The following MC4R variants were observed in gnomAD, a reference collection of about 807,000 sequenced individuals.
MC4R encodes melanocortin receptor 4.
A neutral mutation model predicts 16.1 loss-of-function variants in MC4R; 15 were observed. The ratio of observed to expected loss-of-function variants is 0.93; its 90% CI spans 0.62 to 1.44. The LOEUF (loss-of-function observed/expected upper bound fraction) is 1.44. Among genes scored for constraint, MC4R ranks in the 40% most tolerant of loss-of-function variants. The pLI is 0.00. For synonymous variants in MC4R, 162 were observed against 151.7 expected, an observed-to-expected ratio of 1.07 and a Z score of -0.50; for missense variants, 416 against 411.4, an observed-to-expected ratio of 1.01 and a Z score of -0.10.
chr18:60,372,223 G>T lies in MC4R; in HGVS notation c.127C>A (p.Gln43Lys). The T allele has an allele frequency of 6.2e-7, 1 of 1,614,210 alleles. No homozygotes were observed. Among genetic ancestry groups the T allele is most frequent in the Non-Finnish European group, 8.5e-7 (1 of 1,180,040 alleles). ...AACACCTCAGGAGAGACAAAAAGTTGCTCGTAGCACCCTCCATCAGAGTAG... is the reference window on the plus strand; with the variant it reads ...AACACCTCAGGAGAGACAAAAAGTTTCTCGTAGCACCCTCCATCAGAGTAG... ...KGYSDGGCYE[Q>K]LFVSPEVFVT... The change falls in exon 1 of 1, where the codon CAA becomes AAA. Residue 43 changes from glutamine to lysine, a missense_variant. Transcript: ENST00000299766.
chr18:60,372,194 C>T lies in MC4R; in HGVS notation c.156G>A (p.Val52=). The part of the protein sequence containing the change: ...EQLFVSPEVF[V]TLGVISLLEN... ...CCAACAAGCTGATGACACCCAGAGT[C>T]ACAAACACCTCAGGAGAGACAAAAA... Residue 52 remains valine, a synonymous_variant, in exon 1 of 1, where the codon GTG becomes GTA. Coordinates refer to ENST00000299766, the MANE Select transcript of MC4R (RefSeq NM_005912.3). 1 of 1,614,240 alleles carries T rather than the reference C, an allele frequency of 6.2e-7. No individual in the cohort carries two copies.
rs1036269414 is a variant in MC4R at position 60,372,422 on chromosome 18, C to T, written c.-73G>A. On this transcript the variant is annotated 5_prime_UTR_variant, in exon 1 of 1. Coordinates refer to ENST00000299766, the MANE Select transcript of MC4R (RefSeq NM_005912.3). ...GGTCAGGGAGTCGTCTCAGTTATTTCCTCCAAGTCTTTATCTGTCTGAAAG... is the reference window on the plus strand; with the variant it reads ...GGTCAGGGAGTCGTCTCAGTTATTTTCTCCAAGTCTTTATCTGTCTGAAAG... 2 of 1,526,428 alleles carry T rather than the reference C, an allele frequency of 1.3e-6. No homozygotes were observed. The highest frequency in any genetic ancestry group is 1.8e-6 in the Non-Finnish European group (2 of 1,112,228). The allele number at this position is 1,526,428 out of a possible 1,614,324, so 94.6% of individuals were successfully genotyped here.
chr18:60,371,437 G>A lies in MC4R; in HGVS notation c.913C>T (p.Arg305Trp), dbSNP rs549442687. ...AAGGTTTTCCTCAGTTCTTGACTCC[G>A]GAGTGCATAAATCAGAGGATCGATG... is the stretch of plus-strand genomic sequence containing the variant. ...SIIDPLIYAL[R>W]SQELRKTFKE... Residue 305 changes from arginine (R) to tryptophan (W), a missense_variant, in exon 1 of 1, where the codon CGG becomes TGG. Transcript: ENST00000299766. The A allele has an allele frequency of 2.2e-5, 36 of 1,614,068 alleles. No homozygotes were observed. Among genetic ancestry groups the A allele is most frequent in the Admixed American group, 1.0e-4 (6 of 60,008 alleles).
Position 60,371,708 on chromosome 18 carries a change from G to T in MC4R, c.642C>A (p.His214Gln). 1 of 1,614,198 alleles carries T rather than the reference G, an allele frequency of 6.2e-7. No individual in the cohort carries two copies. Among genetic ancestry groups the T allele is most frequent in the South Asian group, 1.1e-5 (1 of 91,082 alleles). The change falls in exon 1 of 1, where the codon CAC becomes CAA. Residue 214 changes from histidine (H) to glutamine (Q), a missense_variant. Transcript: ENST00000299766. ...TGTGAAGCCTGGCCATCAGGAACAT[G>T]TGGACATAGAGAGAAGCCATGAGAG... Reference protein sequence around the residue: ...MLALMASLYVHMFLMARLHIK... With the variant: ...MLALMASLYVQMFLMARLHIK...
Position 60,372,702 on chromosome 18 carries a change from A to T in MC4R, c.-353T>A, listed in dbSNP as rs1479558664. On this transcript the variant is annotated 5_prime_UTR_variant, in exon 1 of 1. Transcript: ENST00000299766. Reference sequence around the variant, plus strand: ...AAGCTGCCATGCCATTGGGAGACGAATCTGTGCGCACATGCTCACATCGGC... The same window carrying T: ...AAGCTGCCATGCCATTGGGAGACGATTCTGTGCGCACATGCTCACATCGGC... 2.8e-6 allele frequency: 1 copy of T among 351,392 alleles called. No individual in the cohort carries two copies. Among genetic ancestry groups the T allele is most frequent in the Admixed American group, 4.1e-5 (1 of 24,160 alleles). The allele number at this position is 351,392 out of a possible 1,614,324, so 21.8% of individuals were successfully genotyped here. A position where few individuals can be genotyped will look rare whatever the true frequency, so the allele number is the denominator to read the frequency against.
chr18:60,371,913 T>G lies in MC4R; in HGVS notation c.437A>C (p.Asp146Ala). The G allele has an allele frequency of 1.9e-6, 3 of 1,614,118 alleles. No homozygotes were observed. The highest frequency in any genetic ancestry group is 2.5e-6 in the Non-Finnish European group (3 of 1,180,000). The stretch of plus-strand genomic sequence containing the variant: ...AGCATAGAAGATAGTAAAGTACCTG[T>G]CCACTGCAATTGAAAGCAGGCTGCA... ...SICSLLSIAVDRYFTIFYALQ... is the reference protein window; with the variant it reads ...SICSLLSIAVARYFTIFYALQ... Residue 146 changes from aspartate to alanine, a missense_variant, in exon 1 of 1, where the codon GAC (aspartate) becomes GCC (alanine). By Grantham distance (126) the Asp-to-Ala change is moderately radical. Transcript: ENST00000299766.
Position 60,371,498 on chromosome 18 carries a change from A to G in MC4R, c.852T>C (p.Phe284=). ...ACATGATCAGTATGAGATACAAGTT[A>G]AAGTGAGACATGAAGCACACACAAT... ...NPYCVCFMSH[F]NLYLILIMCN... The change falls in exon 1 of 1, where the codon TTT becomes TTC. Residue 284 remains phenylalanine (F), a synonymous_variant. Transcript: ENST00000299766. 1 of 1,614,250 alleles carries G rather than the reference A, an allele frequency of 6.2e-7. No homozygotes were observed. The highest frequency in any genetic ancestry group is 8.5e-7 in the Non-Finnish European group (1 of 1,180,036).
Position 60,371,134 on chromosome 18 carries a change from C to A in MC4R, c.*217G>T. Reference sequence around the variant, plus strand: ...GTGCCTACAACCTATAACATAGATTCATATTTTATGGCCAAAAAAGTAGCA... The same window carrying A: ...GTGCCTACAACCTATAACATAGATTAATATTTTATGGCCAAAAAAGTAGCA... On this transcript the variant is annotated 3_prime_UTR_variant, in exon 1 of 1. Transcript: ENST00000299766. 3.6e-6 allele frequency: 2 copies of A among 559,848 alleles called. No individual in the cohort carries two copies. Among genetic ancestry groups the A allele is most frequent in the Non-Finnish European group, 3.2e-6 (1 of 315,238 alleles). The allele number at this position is 559,848 out of a possible 1,614,324, so 34.7% of individuals were successfully genotyped here.
In MC4R at chr18:60,372,056, T is replaced by A. The variant is rs1915357386; in HGVS notation, c.294A>T (p.Gly98=). The A allele has an allele frequency of 2.5e-6, 4 of 1,614,046 alleles. No individual in the cohort carries two copies. The highest frequency in any genetic ancestry group is 3.4e-6 in the Non-Finnish European group (4 of 1,180,044). The change falls in exon 1 of 1, where the codon GGA becomes GGT. Residue 98 remains glycine, a synonymous_variant. Transcript: ENST00000299766. ...ATAGGGTGATGACAATGGTTTCTGA[T>A]CCATTTGAAACGCTCACCAGCATAT... ...VADMLVSVSN[G]SETIVITLLN...
chr18:60,372,230 G>C lies in MC4R; in HGVS notation c.120C>G (p.Cys40Trp). ...SLGKGYSDGG[C>W]YEQLFVSPEV... is the part of the protein sequence containing the mutation. ...CAGGAGAGACAAAAAGTTGCTCGTAGCACCCTCCATCAGAGTAGCCTTTTC... is the reference window on the plus strand; with the variant it reads ...CAGGAGAGACAAAAAGTTGCTCGTACCACCCTCCATCAGAGTAGCCTTTTC... The change falls in exon 1 of 1, where the codon TGC becomes TGG. Residue 40 changes from cysteine (C) to tryptophan (W), a missense_variant. Transcript: ENST00000299766. The C allele has an allele frequency of 6.2e-7, 1 of 1,614,200 alleles. No individual in the cohort carries two copies. Among genetic ancestry groups the C allele is most frequent in the Non-Finnish European group, 8.5e-7 (1 of 1,180,036 alleles).
chr18:60,372,761 G>C lies in MC4R; in HGVS notation c.-412C>G. On this transcript the variant is annotated 5_prime_UTR_variant, in exon 1 of 1. Coordinates refer to ENST00000299766, the MANE Select transcript of MC4R (RefSeq NM_005912.3). ...GGAAGCTTCTGTTTCCAGCCTGAGC[G>C]TTGCTTTGAGTGTTAGGGGCTGTAG... 1 of 269,244 alleles carries C rather than the reference G, an allele frequency of 3.7e-6. No homozygotes were observed. Among genetic ancestry groups the C allele is most frequent in the Non-Finnish European group, 7.7e-6 (1 of 129,404 alleles). 16.7% of individuals were successfully genotyped at this position (269,244 alleles called of 1,614,324 possible).
rs774600898 is a variant in MC4R, at chr18:60,371,980, C to T, written c.370G>A (p.Val124Ile). Residue 124 changes from valine to isoleucine, a missense_variant, in exon 1 of 1, where the codon GTC becomes ATC. Coordinates refer to ENST00000299766, the MANE Select transcript of MC4R (RefSeq NM_005912.3). Reference sequence around the variant, plus strand: ...GAGCTACAGATCACCGAGTCAATGACATTATCAATATTCACTGTGAAACTC... The same window carrying T: ...GAGCTACAGATCACCGAGTCAATGATATTATCAATATTCACTGTGAAACTC... Reference protein sequence around the residue: ...AQSFTVNIDNVIDSVICSSLL... With the variant: ...AQSFTVNIDNIIDSVICSSLL... 1.9e-6 allele frequency: 3 copies of T among 1,614,126 alleles called. No individual in the cohort carries two copies. The highest frequency in any genetic ancestry group is 1.7e-5 in the Admixed American group (1 of 60,024).
In MC4R at chr18:60,371,561, G is replaced by C. The variant is rs1369321415; in HGVS notation, c.789C>G (p.Leu263=). ...VFVVCWAPFF[L]HLIFYISCPQ... ...GACAAGAGATGTAGAATATTAAGTG[G>C]AGGAAGAATGGGGCCCAGCAGACAA... Residue 263 remains leucine, a synonymous_variant, in exon 1 of 1, where the codon CTC becomes CTG. Coordinates refer to ENST00000299766, the MANE Select transcript of MC4R (RefSeq NM_005912.3). 1.9e-6 allele frequency: 3 copies of C among 1,614,116 alleles called. No individual in the cohort carries two copies. Among genetic ancestry groups the C allele is most frequent in the Non-Finnish European group, 2.5e-6 (3 of 1,180,034 alleles).
At position 60,371,315 on chromosome 18, in the gene MC4R, T is replaced by C. The variant is rs778634277; in HGVS notation, c.*36A>G. On this transcript the variant is annotated 3_prime_UTR_variant, in exon 1 of 1. Coordinates refer to ENST00000299766, the MANE Select transcript of MC4R (RefSeq NM_005912.3). ...GGTAGGGTAAGAGTGAAAAAGTCTC[T>C]TATGCATGTTCCTATATTGCGTGCT... 1.9e-6 allele frequency: 3 copies of C among 1,610,948 alleles called. No homozygotes were observed. The highest frequency in any genetic ancestry group is 2.2e-5 in the East Asian group (1 of 44,872).
chr18:60,372,062 T>C lies in MC4R; in HGVS notation c.288A>G (p.Ser96=), dbSNP rs781163462. The change falls in exon 1 of 1, where the codon TCA becomes TCG. Residue 96 remains serine, a synonymous_variant. Coordinates refer to ENST00000299766, the MANE Select transcript of MC4R (RefSeq NM_005912.3). The part of the protein sequence containing the change: ...LAVADMLVSV[S]NGSETIVITL... Reference sequence around the variant, plus strand: ...TGATGACAATGGTTTCTGATCCATTTGAAACGCTCACCAGCATATCAGCCA... The same window carrying C: ...TGATGACAATGGTTTCTGATCCATTCGAAACGCTCACCAGCATATCAGCCA... 3.1e-6 allele frequency: 5 copies of C among 1,614,228 alleles called. No individual in the cohort carries two copies. The Admixed American group carries it at 6.7e-5, about 22-fold the overall frequency.
At position 60,372,444 on chromosome 18, in the gene MC4R, A is replaced by T; in HGVS notation, c.-95T>A. On this transcript the variant is annotated 5_prime_UTR_variant, in exon 1 of 1. Coordinates refer to ENST00000299766, the MANE Select transcript of MC4R (RefSeq NM_005912.3). ...TTTCCTCCAAGTCTTTATCTGTCTG[A>T]AAGTTGTGAGGCTAAAATTGCCATG... The T allele has an allele frequency of 7.0e-7, 1 of 1,425,826 alleles. No homozygotes were observed. The highest frequency in any genetic ancestry group is 9.7e-7 in the Non-Finnish European group (1 of 1,030,098). 88.3% of individuals were successfully genotyped at this position (1,425,826 alleles called of 1,614,324 possible). A position where few individuals can be genotyped will look rare whatever the true frequency, so the allele number is the denominator to read the frequency against.
rs1205140819 is a variant in MC4R, at chr18:60,371,245, G to T, written c.*106C>A. 8.6e-7 allele frequency: 1 copy of T among 1,166,490 alleles called. No homozygotes were observed. The highest frequency in any genetic ancestry group is 1.3e-6 in the Non-Finnish European group (1 of 782,542). The allele number at this position is 1,166,490 out of a possible 1,614,324, so 72.3% of individuals were successfully genotyped here. On this transcript the variant is annotated 3_prime_UTR_variant, in exon 1 of 1. Transcript: ENST00000299766. Reference sequence around the variant, plus strand: ...TTTACACAATGGATATTCTCAACCAGTACCCTACACGGAAGAGAAAGCTGT... The same window carrying T: ...TTTACACAATGGATATTCTCAACCATTACCCTACACGGAAGAGAAAGCTGT...
Position 60,371,489 on chromosome 18 carries a change from A to G in MC4R, c.861T>C (p.Tyr287=). 1 of 1,614,236 alleles carries G rather than the reference A, an allele frequency of 6.2e-7. No homozygotes were observed. Among genetic ancestry groups the G allele is most frequent in the Non-Finnish European group, 8.5e-7 (1 of 1,180,032 alleles). The change falls in exon 1 of 1, where the codon TAT becomes TAC. Residue 287 remains tyrosine (Y), a synonymous_variant. Coordinates refer to ENST00000299766, the MANE Select transcript of MC4R (RefSeq NM_005912.3). The stretch of plus-strand genomic sequence containing the variant: ...TTGAATTACACATGATCAGTATGAG[A>G]TACAAGTTAAAGTGAGACATGAAGC... The part of the protein sequence containing the change: ...CVCFMSHFNL[Y]LILIMCNSII...
In MC4R at chr18:60,371,512, A is replaced by G. The variant is rs756232889; in HGVS notation, c.838T>C (p.Phe280Leu). 1.9e-6 allele frequency: 3 copies of G among 1,614,114 alleles called. No individual in the cohort carries two copies. In the African/African-American group the frequency reaches 4.0e-5, roughly 22 times the overall value. ...SCPQNPYCVC[F>L]MSHFNLYLIL... The stretch of plus-strand genomic sequence containing the variant: ...AGATACAAGTTAAAGTGAGACATGA[A>G]GCACACACAATATGGATTCTGAGGA... The change falls in exon 1 of 1, where the codon TTC (phenylalanine) becomes CTC (leucine). Residue 280 changes from phenylalanine (F) to leucine (L), a missense_variant. Coordinates refer to ENST00000299766, the MANE Select transcript of MC4R (RefSeq NM_005912.3).
Sources: gnomAD v4.1 joint callset for allele counts on GRCh38, gnomAD v4.1.1 for gene constraint, MANE v1.5 for transcripts, NCBI Gene and HGNC (gene_info 2026-07-23, HGNC 2026-07-21) for gene names.